Variants in DOK6 observed in about 807,000 individuals in gnomAD.
DOK6 encodes the protein docking protein 6, also known as downstream of tyrosine kinase 6.
A neutral mutation model predicts 44.0 loss-of-function variants in DOK6; 22 were observed. The ratio of observed to expected loss-of-function variants is 0.50; its 90% CI spans 0.36 to 0.71. The LOEUF (loss-of-function observed/expected upper bound fraction) is 0.71, where lower values mean the gene tolerates loss of function less well. DOK6 is among the 30% of genes least tolerant of loss of function. The pLI is 0.00. For missense variants in DOK6, 340 were observed against 416.4 expected (o/e 0.82, Z 1.60); for synonymous variants, 166 against 145.5 (o/e 1.14, Z -1.01).
chr18:69,537,298 AAG>A (rs1290276199), intron 1 of DOK6, among the ~76,000 whole-genome samples: 4 of 151,936 alleles, frequency 2.6e-5, no homozygotes, highest in African/African-American at 9.7e-5. Flanking sequence ...TCTTCCCTTT[AAG>A]TAGAGTTCCT....
intron 2 of DOK6, among the ~76,000 whole-genome samples, chr18:69,588,690 C>T (rs899061837): frequency 7.9e-5 from 12 of 152,000 alleles, no homozygotes; most frequent in African/African-American, 2.2e-4. Context: ...GGGCAGATAA[C>T]GGAACAAAAT....
intron 5 of DOK6, among the ~76,000 whole-genome samples, chr18:69,729,153 A>T (rs543028214): frequency 6.6e-6 from 1 of 152,354 alleles, no homozygotes; most frequent in East Asian, 1.9e-4. Flanking sequence ...TAATATATAC[A>T]TGCACATATA....
intron 1 of DOK6, among the ~76,000 whole-genome samples, chr18:69,420,329 C>T (rs983081195): frequency 6.6e-6 from 1 of 151,842 alleles, no homozygotes; most frequent in African/African-American, 2.4e-5. Flanking sequence ...ATAGTATATA[C>T]AATAAAATTG....
At chr18:69,460,394 C>T (rs745755231) in intron 1 of DOK6, among the ~76,000 whole-genome samples, 35 of 152,194 alleles carry the variant, frequency 2.3e-4, no homozygotes, top group Admixed American at 1.1e-3. Context: ...TATGTTAATA[C>T]ATCAATCATA....
In DOK6 at chr18:69,845,929, C is replaced by T. The variant is rs1982335892; in HGVS notation, c.*4546C>T. 1 of 152,216 alleles carries T rather than the reference C, an allele frequency of 6.6e-6. No homozygotes were observed. Among genetic ancestry groups the T allele is most frequent in the Admixed American group, 6.5e-5 (1 of 15,276 alleles). The allele number at this position is 152,216 out of a possible 1,614,324, so 9.4% of individuals were successfully genotyped here. On this transcript the variant is annotated 3_prime_UTR_variant, in exon 8 of 8. Coordinates refer to ENST00000382713, the MANE Select transcript of DOK6 (RefSeq NM_152721.6). ...AGAATCACTTTTATATAGCCAACCT[C>T]ATTTGAATTTTATCATGAACATAAA...
At chr18:69,484,973 C>G (rs936535346) in intron 1 of DOK6, among the ~76,000 whole-genome samples, 2 of 151,410 alleles carry the variant, frequency 1.3e-5, no homozygotes, top group African/African-American at 2.4e-5. Context: ...AGCTGGGAAA[C>G]TTGTGTGTTG....
chr18:69,757,707 A>C, intron 6 of DOK6, 49 bp from the exon 7 acceptor site: 1 of 1,466,576 alleles, frequency 6.8e-7, no homozygotes, highest in South Asian at 1.1e-5. Flanking sequence ...AGCAGATTTC[A>C]GTTTAATATT....
At chr18:69,780,811 G>A (rs1210319186) in intron 7 of DOK6, among the ~76,000 whole-genome samples, 1 of 152,188 alleles carries the variant, frequency 6.6e-6, no homozygotes, top group Non-Finnish European at 1.5e-5. Context: ...TGAAAATCAT[G>A]TGACCATGTT....
At chr18:69,838,677 G>A (rs1182420703) in intron 7 of DOK6, among the ~76,000 whole-genome samples, 1 of 151,982 alleles carries the variant, frequency 6.6e-6, no homozygotes, top group African/African-American at 2.4e-5. Flanking sequence ...TACAAGCTAG[G>A]AAGTAGCAGA....
chr18:69,800,116 G>A (rs561432296), intron 7 of DOK6, among the ~76,000 whole-genome samples: 1 of 151,570 alleles, frequency 6.6e-6, no homozygotes, highest in East Asian at 1.9e-4. Context: ...CAAAAATGGA[G>A]CCATTCAGTT....
intron 3 of DOK6, among the ~76,000 whole-genome samples, chr18:69,606,264 C>T (rs552587970): frequency 2.1e-5 from 3 of 146,040 alleles, no homozygotes; most frequent in Non-Finnish European, 4.5e-5. Context: ...AAGAGCGAAA[C>T]TCCATCTCAA....
intron 2 of DOK6, among the ~76,000 whole-genome samples, chr18:69,587,776 C>A (rs540237266): frequency 6.6e-6 from 1 of 151,734 alleles, no homozygotes; most frequent in South Asian, 2.1e-4. Context: ...TTTAAACACA[C>A]ACACACACAC....
chr18:69,722,984 C>T (rs1676525099), intron 5 of DOK6, among the ~76,000 whole-genome samples: 1 of 152,108 alleles, frequency 6.6e-6, no homozygotes, highest in African/African-American at 2.4e-5. Context: ...AAAAGAGCCC[C>T]AGAGAAAAAT....
intron 3 of DOK6, among the ~76,000 whole-genome samples, chr18:69,666,546 T>C (rs141941576): frequency 6.6e-6 from 1 of 152,224 alleles, no homozygotes; most frequent in East Asian, 1.9e-4. Context: ...ACACAGTGAG[T>C]CTGCAGAATG....
At chr18:69,597,065 T>C (rs1307022973) in intron 2 of DOK6, among the ~76,000 whole-genome samples, 5 of 151,912 alleles carry the variant, frequency 3.3e-5, no homozygotes, top group African/African-American at 4.8e-5. Flanking sequence ...TATAAAATTA[T>C]ATAAATTAAT....
intron 7 of DOK6, among the ~76,000 whole-genome samples, chr18:69,816,360 C>T (rs772632475): frequency 7.2e-5 from 11 of 152,060 alleles, no homozygotes; most frequent in African/African-American, 2.4e-4. Context: ...TGTTCCTCTT[C>T]GAAATAATAG....
At chr18:69,774,133 G>GAGATATATATAT (rs1555670147) in intron 7 of DOK6, among the ~76,000 whole-genome samples, 5 of 66,866 alleles carry the variant, frequency 7.5e-5, no homozygotes, top group South Asian at 7.1e-4. Flanking sequence ...ATATATATGA[G>GAGATATATATAT]ATATATATAT....
intron 1 of DOK6, among the ~76,000 whole-genome samples, chr18:69,407,297 T>C (rs562400882): frequency 6.6e-6 from 1 of 152,334 alleles, no homozygotes; most frequent in Admixed American, 6.5e-5. Context: ...AAATTGAAAT[T>C]ATCTGTAGTC....
At chr18:69,445,813 T>G (rs1335680720) in intron 1 of DOK6, among the ~76,000 whole-genome samples, 1 of 152,124 alleles carries the variant, frequency 6.6e-6, no homozygotes, top group African/African-American at 2.4e-5. Context: ...TTGAGCCCAG[T>G]AGTCCAAGGT....
Sources: allele counts gnomAD v4.1 joint callset (sites outside exome capture counted in the v4.1 genomes callset), GRCh38; gene constraint gnomAD v4.1.1; transcripts MANE v1.5; gene names NCBI Gene and HGNC (gene_info 2026-07-23, HGNC 2026-07-21).